Variants in NPFFR2 observed in about 807,000 individuals in gnomAD.
NPFFR2 encodes the protein G-protein coupled receptor 74.
Under a neutral mutation model 13.1 loss-of-function variants are expected in NPFFR2, and 15 were observed. That is an observed-to-expected ratio of 1.15 (90% CI 0.77 to 1.76). The LOEUF is 1.76. NPFFR2 is among the 40% of genes most tolerant of loss of function. NPFFR2 has a pLI of 0.00. For synonymous variants in NPFFR2, 190 were observed against 175.7 expected (o/e 1.08, Z -0.65); for missense variants, 572 against 503.5 (o/e 1.14, Z -1.30).
chr4:72,064,699 GA>G (rs1170192106), intron 1 of NPFFR2, among the ~76,000 whole-genome samples: 1 of 152,140 alleles, frequency 6.6e-6, no homozygotes, highest in Non-Finnish European at 1.5e-5. Context: ...ACAGTACTAG[GA>G]AAAGAGGTCG....
intron 1 of NPFFR2, among the ~76,000 whole-genome samples, chr4:72,034,602 G>A (rs1041517210): frequency 2.0e-5 from 3 of 152,180 alleles, no homozygotes; most frequent in Non-Finnish European, 4.4e-5. Flanking sequence ...TATTTATATA[G>A]TATTTTAATA....
At chr4:72,071,922 A>G (rs1230908107) in intron 1 of NPFFR2, among the ~76,000 whole-genome samples, 2 of 152,134 alleles carry the variant, frequency 1.3e-5, no homozygotes, top group Non-Finnish European at 2.9e-5. Flanking sequence ...AGCTCATTGA[A>G]AAGAAACCAC....
chr4:72,094,392 CGG>C, intron 1 of NPFFR2, among the ~76,000 whole-genome samples: 1 of 152,230 alleles, frequency 6.6e-6, no homozygotes, highest in Middle Eastern at 3.4e-3. Context: ...TAGGATCAGG[CGG>C]TGTGTGGGGC....
chr4:72,116,483 T>A (rs531196005), intron 1 of NPFFR2, among the ~76,000 whole-genome samples: 1 of 151,470 alleles, frequency 6.6e-6, no homozygotes, highest in East Asian at 1.9e-4. Context: ...ACTACCTGGG[T>A]GATGGGATCA....
intron 3 of NPFFR2, among the ~76,000 whole-genome samples, chr4:72,142,900 C>A (rs868205074): frequency 6.6e-6 from 1 of 152,102 alleles, no homozygotes; most frequent in Non-Finnish European, 1.5e-5. Context: ...TACAATCTGG[C>A]GGAGCAGGCA....
intron 1 of NPFFR2, among the ~76,000 whole-genome samples, chr4:72,038,464 T>G (rs190683227): frequency 6.6e-6 from 1 of 152,204 alleles, no homozygotes; most frequent in South Asian, 2.1e-4. Flanking sequence ...CCTATTAGAT[T>G]ATCCTGCATC....
Position 72,128,884 on chromosome 4 carries a change from G to T in NPFFR2, c.293G>T (p.Cys98Phe), listed in dbSNP as rs765823673. The T allele has an allele frequency of 2.5e-5, 41 of 1,613,502 alleles. No homozygotes were observed. The highest frequency in any genetic ancestry group is 3.4e-5 in the Non-Finnish European group (40 of 1,179,596). Residue 98 changes from cysteine (C) to phenylalanine (F), a missense_variant, in exon 2 of 4, where the codon TGC (cysteine) becomes TTC (phenylalanine). Cys to Phe is a radical substitution (Grantham distance 205). Transcript: ENST00000308744. ...AGTGATTTACTAGTTGGCATATTCT[G>T]CATGCCTATAACACTGCTGGACAAT... ...AISDLLVGIFCMPITLLDNII... is the reference protein window; with the variant it reads ...AISDLLVGIFFMPITLLDNII...
In NPFFR2 at chr4:72,148,150, C is replaced by T. The variant is rs867582685; in HGVS notation, c.*338C>T. The stretch of plus-strand genomic sequence containing the variant: ...GCGTGCATGTGTGTGTGTATTTTCC[C>T]CAAATGGTGATGATGAGCAGTGCTT... On this transcript the variant is annotated 3_prime_UTR_variant, in exon 4 of 4. Transcript: ENST00000308744. 1.6e-5 allele frequency: 3 copies of T among 188,990 alleles called. No individual in the cohort carries two copies. The highest frequency in any genetic ancestry group is 3.2e-5 in the Non-Finnish European group (3 of 93,300). 11.7% of individuals were successfully genotyped at this position (188,990 alleles called of 1,614,324 possible). A position where few individuals can be genotyped will look rare whatever the true frequency, so the allele number is the denominator to read the frequency against.
chr4:72,091,561 G>A (rs1720918439), intron 1 of NPFFR2, among the ~76,000 whole-genome samples: 1 of 152,040 alleles, frequency 6.6e-6, no homozygotes, highest in Non-Finnish European at 1.5e-5. Flanking sequence ...TTTAATCTAG[G>A]AGGGTTGTAC....
chr4:72,033,325 T>C (rs1718972532), intron 1 of NPFFR2, among the ~76,000 whole-genome samples: 1 of 152,204 alleles, frequency 6.6e-6, no homozygotes, highest in Non-Finnish European at 1.5e-5. Context: ...GTCTTTCATC[T>C]GTTAAAAACT....
At chr4:72,055,197 T>C (rs1719706434) in intron 1 of NPFFR2, among the ~76,000 whole-genome samples, 1 of 151,936 alleles carries the variant, frequency 6.6e-6, no homozygotes, top group African/African-American at 2.4e-5. Context: ...AATTGAAAGT[T>C]TGTGGTAACC....
intron 1 of NPFFR2, among the ~76,000 whole-genome samples, chr4:72,072,697 T>G (rs1324745081): frequency 6.6e-6 from 1 of 151,996 alleles, no homozygotes; most frequent in African/African-American, 2.4e-5. Flanking sequence ...ATGAAAGATA[T>G]GGAAATAAAC....
rs569129001 is a variant in NPFFR2, at chr4:72,104,401, A to T, written c.-7-24184A>T. 2.0e-5 allele frequency among the ~76,000 whole-genome samples: 3 copies of T among 151,974 alleles called. No individual in the cohort carries two copies. The East Asian group carries it at 5.8e-4, about 29-fold the overall frequency. On this transcript the variant is annotated intron_variant, in intron 1 of 3. Coordinates refer to ENST00000308744, the MANE Select transcript of NPFFR2 (RefSeq NM_004885.3). ...CCAGAGCAACCATATTCCAACTATCATTTTTTTCACAAATGCTTACAAGAT... is the reference window on the plus strand; with the variant it reads ...CCAGAGCAACCATATTCCAACTATCTTTTTTTTCACAAATGCTTACAAGAT...
At position 72,042,403 on chromosome 4, in the gene NPFFR2, G is replaced by C. The variant is rs113408295; in HGVS notation, c.-8+10203G>C. On this transcript the variant is annotated intron_variant, in intron 1 of 3. Coordinates refer to ENST00000308744, the MANE Select transcript of NPFFR2 (RefSeq NM_004885.3). ...AGTAGAGTATATTAATATCCAGAAT[G>C]GGGTGCTGCTATAAGGATAGCCAAA... 2.2e-3 allele frequency among the ~76,000 whole-genome samples: 341 copies of C among 152,262 alleles called. 5 individuals are homozygous for C. Among genetic ancestry groups the C allele is most frequent in the African/African-American group, 7.7e-3 (321 of 41,542 alleles).
At chr4:72,136,398 C>T (rs1486634133) in intron 2 of NPFFR2, among the ~76,000 whole-genome samples, 1 of 151,960 alleles carries the variant, frequency 6.6e-6, no homozygotes, top group East Asian at 1.9e-4. Context: ...CAAAACAAAA[C>T]ACCACCAGAA....
intron 1 of NPFFR2, among the ~76,000 whole-genome samples, chr4:72,123,401 C>T (rs549295533): frequency 2.0e-5 from 3 of 152,306 alleles, no homozygotes; most frequent in East Asian, 3.9e-4. Context: ...GGGACTCCTC[C>T]CTAACTCATG....
intron 1 of NPFFR2, among the ~76,000 whole-genome samples, chr4:72,117,002 G>T (rs556868993): frequency 6.6e-6 from 1 of 151,988 alleles, no homozygotes; most frequent in Non-Finnish European, 1.5e-5. Flanking sequence ...GGGTCAAGAC[G>T]TCTACCTTAC....
chr4:72,080,816 A>C (rs1720596021), intron 1 of NPFFR2, among the ~76,000 whole-genome samples: 1 of 146,864 alleles, frequency 6.8e-6, no homozygotes, highest in Non-Finnish European at 1.5e-5. Context: ...TTTGAGAGTC[A>C]CTGACAACTA....
intron 1 of NPFFR2, among the ~76,000 whole-genome samples, chr4:72,032,969 AATG>A (rs1350812131): frequency 1.2e-4 from 18 of 152,246 alleles, no homozygotes; most frequent in Admixed American, 3.9e-4. Flanking sequence ...AAAAAATCTT[AATG>A]ATAACATGAA....
Sources: gnomAD v4.1 joint callset for allele counts (sites outside exome capture counted in the v4.1 genomes callset) on GRCh38, gnomAD v4.1.1 for gene constraint, MANE v1.5 for transcripts, NCBI Gene and HGNC (gene_info 2026-07-23, HGNC 2026-07-21) for gene names.